The following MAPKAPK2 variants were observed in gnomAD, a reference collection of about 807,000 sequenced individuals.
MAPKAPK2 encodes the protein MAP kinase-activated protein kinase 2.
A neutral mutation model predicts 48.8 loss-of-function variants in MAPKAPK2; 9 were observed. That is an observed-to-expected ratio of 0.18 (90% CI 0.11 to 0.32). The LOEUF is 0.32. Ranked by LOEUF, MAPKAPK2 falls within the 10% of genes least tolerant of loss-of-function variation. The pLI is 1.00. For synonymous variants in MAPKAPK2, 202 were observed against 190.6 expected (o/e 1.06, Z -0.49); for missense variants, 331 against 498.3 (o/e 0.66, Z 3.20).
rs183028260 is a variant in MAPKAPK2 at position 206,699,964 on chromosome 1, C to T, written c.279+14456C>T. On this transcript the variant is annotated intron_variant, in intron 1 of 9. Transcript: ENST00000367103. ...CTCCTTTCTTTTCGTTTCTTTCTCT[C>T]TCTCTCTCTTCTTTTTTTCTCTTTC... Among the ~76,000 whole-genome samples the T allele has an allele frequency of 7.1e-4, 106 of 148,928 alleles. No individual in the cohort carries two copies. In the East Asian group the frequency reaches 0.019, roughly 26 times the overall value.
intron 1 of MAPKAPK2, among the ~76,000 whole-genome samples, chr1:206,711,088 C>G (rs983124776): frequency 3.3e-5 from 5 of 152,218 alleles, no homozygotes; most frequent in Non-Finnish European, 5.9e-5. Context: ...TTCCGCATTA[C>G]TGTGCAAAGC....
chr1:206,714,764 CAA>C (rs373824626), intron 1 of MAPKAPK2, among the ~76,000 whole-genome samples: 110 of 116,036 alleles, frequency 9.5e-4, no homozygotes, highest in Admixed American at 1.4e-3. Context: ...AACTCGGTCA[CAA>C]AAAAAAAAAA....
intron 1 of MAPKAPK2, among the ~76,000 whole-genome samples, chr1:206,714,380 T>G (rs1553429991): frequency 6.6e-6 from 1 of 152,042 alleles, no homozygotes; most frequent in Non-Finnish European, 1.5e-5. Context: ...CAGGGTAGCT[T>G]GTGATGGTTC....
rs566485516 is a variant in MAPKAPK2 at position 206,733,183 on chromosome 1, C to G, written c.*465C>G. 1 of 161,390 alleles carries G rather than the reference C, an allele frequency of 6.2e-6. No individual in the cohort carries two copies. Among genetic ancestry groups the G allele is most frequent in the African/African-American group, 2.4e-5 (1 of 41,570 alleles). The allele number at this position is 161,390 out of a possible 1,614,324, so 10.0% of individuals were successfully genotyped here. ...GGTTGTCCCCGCTGGCTCACGCGTT[C>G]TGGGAGCTCAAGGCCACCTTGGAGG... On this transcript the variant is annotated 3_prime_UTR_variant, in exon 10 of 10. Coordinates refer to ENST00000367103, the MANE Select transcript of MAPKAPK2 (RefSeq NM_032960.4).
chr1:206,705,980 G>A (rs978305577), intron 1 of MAPKAPK2, among the ~76,000 whole-genome samples: 8 of 152,274 alleles, frequency 5.3e-5, no homozygotes, highest in South Asian at 2.1e-4. Flanking sequence ...GTGCAGCTTC[G>A]CTGTGAGGCA....
At chr1:206,725,637 T>C (rs1366751441) in intron 1 of MAPKAPK2, among the ~76,000 whole-genome samples, 2 of 152,104 alleles carry the variant, frequency 1.3e-5, no homozygotes, top group African/African-American at 2.4e-5. Flanking sequence ...CAAGAAGAAA[T>C]TGACAAATTT....
intron 1 of MAPKAPK2, among the ~76,000 whole-genome samples, chr1:206,724,454 G>A (rs1223203467): frequency 3.3e-5 from 5 of 151,908 alleles, no homozygotes; most frequent in Admixed American, 6.6e-5. Context: ...AGCCTGCCTC[G>A]CCCATCTGAA....
At chr1:206,706,344 T>C (rs1672958907) in intron 1 of MAPKAPK2, among the ~76,000 whole-genome samples, 1 of 151,924 alleles carries the variant, frequency 6.6e-6, no homozygotes, top group Admixed American at 6.6e-5. Flanking sequence ...GCAAAGCCAG[T>C]CCCTCTGATC....
chr1:206,731,083 G>T lies in MAPKAPK2; in HGVS notation c.768-55G>T. The T allele has an allele frequency of 5.0e-6, 8 of 1,610,978 alleles. No homozygotes were observed. Among genetic ancestry groups the T allele is most frequent in the Non-Finnish European group, 5.9e-6 (7 of 1,177,212 alleles). On this transcript the variant is annotated intron_variant, in intron 6 of 9. Transcript: ENST00000367103. The surrounding 1 kb of genome is among the most constrained non-coding windows in gnomAD (Gnocchi z 5.9). ...TGTTTCTCATCCTGTTCCTGGTACA[G>T]GGCCACTAAGTGACAGCTGTTCTGT...
chr1:206,729,340 C>A, intron 3 of MAPKAPK2, 56 bp from the exon 4 acceptor site: 1 of 1,456,522 alleles, frequency 6.9e-7, no homozygotes. Context: ...GTTTTCAAGC[C>A]TAATGATGTG....
intron 1 of MAPKAPK2, among the ~76,000 whole-genome samples, chr1:206,703,687 A>G (rs1201496971): frequency 1.3e-5 from 2 of 152,134 alleles, no homozygotes; most frequent in Non-Finnish European, 2.9e-5. Context: ...GTAATATCTC[A>G]TTGTATTTTC....
chr1:206,700,690 G>A (rs1156708798), intron 1 of MAPKAPK2, among the ~76,000 whole-genome samples: 2 of 152,148 alleles, frequency 1.3e-5, no homozygotes, highest in Admixed American at 6.5e-5. Context: ...AACCTTTTGA[G>A]GTCTGGAATA....
chr1:206,694,798 G>A (rs1355433543), intron 1 of MAPKAPK2, among the ~76,000 whole-genome samples: 7 of 152,240 alleles, frequency 4.6e-5, no homozygotes, highest in African/African-American at 1.7e-4. Context: ...CTGCACAGCT[G>A]AGTTGGACAG....
chr1:206,698,858 G>A (rs1672708369), intron 1 of MAPKAPK2, among the ~76,000 whole-genome samples: 1 of 152,176 alleles, frequency 6.6e-6, no homozygotes, highest in Non-Finnish European at 1.5e-5. Context: ...ACCAGGTAGA[G>A]GAATAGCAAG....
intron 1 of MAPKAPK2, among the ~76,000 whole-genome samples, chr1:206,714,731 C>T (rs1673271952): frequency 6.8e-6 from 1 of 146,356 alleles, no homozygotes; most frequent in Admixed American, 7.0e-5. Flanking sequence ...CACCATTGCA[C>T]TCCAGCCTGG....
At chr1:206,691,882 C>T (rs1041370975) in intron 1 of MAPKAPK2, among the ~76,000 whole-genome samples, 7 of 152,184 alleles carry the variant, frequency 4.6e-5, no homozygotes, top group Non-Finnish European at 8.8e-5. Context: ...AATGAATAAT[C>T]ATCACTGACC....
At position 206,704,396 on chromosome 1, in the gene MAPKAPK2, T is replaced by C. The variant is rs1158186559; in HGVS notation, c.279+18888T>C. ...TTTCCTTTCAGGTTGCTGGAATTAG[T>C]GGTGGTGGTGGCTCAGCTCACCCAG... On this transcript the variant is annotated intron_variant, in intron 1 of 9. Coordinates refer to ENST00000367103, the MANE Select transcript of MAPKAPK2 (RefSeq NM_032960.4). This position sits in a 1 kb window ranked among gnomAD's most constrained non-coding sequence, Gnocchi z 4.3. Among the ~76,000 whole-genome samples the C allele has an allele frequency of 6.6e-6, 1 of 152,158 alleles. No homozygotes were observed. The highest frequency in any genetic ancestry group is 1.5e-5 in the Non-Finnish European group (1 of 68,012).
chr1:206,696,344 C>T (rs1239467075), intron 1 of MAPKAPK2: 3 of 726,618 alleles, frequency 4.1e-6, no homozygotes, highest in Non-Finnish European at 5.0e-6. Context: ...CTGTAAATCC[C>T]CTGAAAACCT....
intron 1 of MAPKAPK2, among the ~76,000 whole-genome samples, chr1:206,711,381 G>C (rs1553429439): frequency 2.0e-5 from 3 of 152,086 alleles, no homozygotes; most frequent in Non-Finnish European, 2.9e-5. Context: ...CTCCCAAGTA[G>C]CTGGTACCAC....
Sources: allele counts gnomAD v4.1 joint callset (sites outside exome capture counted in the v4.1 genomes callset), GRCh38; gene constraint gnomAD v4.1.1; non-coding constraint Gnocchi (gnomAD v3.1); transcripts MANE v1.5; gene names NCBI Gene and HGNC (gene_info 2026-07-23, HGNC 2026-07-21).